NACC2: variants seen among roughly 807,000 people sequenced by gnomAD.
The protein encoded by NACC2 is nucleus accumbens-associated protein 2.
Under a neutral mutation model 25.1 loss-of-function variants are expected in NACC2, and 8 were observed. That is an observed-to-expected ratio of 0.32 (90% CI 0.19 to 0.57). The LOEUF is 0.57. NACC2 is among the 20% of genes least tolerant of loss of function. NACC2 has a pLI of 0.89. For synonymous variants in NACC2, 435 were observed against 294.7 expected (o/e 1.48, Z -4.88); for missense variants, 644 against 650.2 (o/e 0.99, Z 0.10).
chr9:136,036,854 A>G (rs1386456717), intron 2 of NACC2, among the ~76,000 whole-genome samples: 3 of 152,244 alleles, frequency 2.0e-5, no homozygotes, highest in South Asian at 2.1e-4. Context: ...AAAATCCCAA[A>G]TTTGATTTTT....
chr9:136,024,486 G>GAA lies in NACC2; in HGVS notation c.887-8058_887-8057insTT, dbSNP rs1491240009. Among the ~76,000 whole-genome samples the GAA allele has an allele frequency of 2.2e-4, 27 of 125,480 alleles. No individual in the cohort carries two copies. In the East Asian group the frequency reaches 4.0e-3, roughly 19 times the overall value. The allele number at this position is 125,480 out of a possible 152,430, so 82.3% of individuals were successfully genotyped here. ...AGGACAGAGGGTGCGTGTGAGGACA[G>GAA]TGTGTGTGAGGACAGAATGTGTGTG... On this transcript the variant is annotated intron_variant, in intron 2 of 5. Coordinates refer to ENST00000277554, the MANE Select transcript of NACC2 (RefSeq NM_144653.5).
chr9:136,077,958 G>A (rs1169393075), intron 1 of NACC2, among the ~76,000 whole-genome samples: 1 of 152,120 alleles, frequency 6.6e-6, no homozygotes, highest in African/African-American at 2.4e-5. Context: ...CTTTTTAGTA[G>A]AGACGGGGTT....
At chr9:136,048,651 G>A (rs1840765552) in intron 2 of NACC2, among the ~76,000 whole-genome samples, 1 of 152,252 alleles carries the variant, frequency 6.6e-6, no homozygotes, top group South Asian at 2.1e-4. Flanking sequence ...AGGCGGAGAG[G>A]GAGCCAGGTT....
At chr9:136,014,968 C>T (rs1169740413) in intron 3 of NACC2, among the ~76,000 whole-genome samples, 2 of 131,310 alleles carry the variant, frequency 1.5e-5, no homozygotes, top group Non-Finnish European at 3.2e-5. Flanking sequence ...TCTCAATGAC[C>T]ATGAGATGTC....
At position 136,013,926 on chromosome 9, in the gene NACC2, G is replaced by C; in HGVS notation, c.1095C>G (p.His365Gln). The change falls in exon 4 of 6, where the codon CAC (histidine) becomes CAG (glutamine). Residue 365 changes from histidine to glutamine, a missense_variant. His to Gln is a conservative substitution (Grantham distance 24). Coordinates refer to ENST00000277554, the MANE Select transcript of NACC2 (RefSeq NM_144653.5). This position sits in a 1 kb window ranked among gnomAD's most constrained non-coding sequence, Gnocchi z 6.6. ...CCTTATGCTTCACCCCTGCACACAG[G>C]TGGCAGTTCATCAGCTGGCCGCGTG... ...YITRGQLMNC[H>Q]LCAGVKHKVL... 6.2e-7 allele frequency: 1 copy of C among 1,612,858 alleles called. No homozygotes were observed. Among genetic ancestry groups the C allele is most frequent in the Non-Finnish European group, 8.5e-7 (1 of 1,179,964 alleles).
chr9:136,013,852 G>C lies in NACC2; in HGVS notation c.1157+12C>G. 1 of 1,610,308 alleles carries C rather than the reference G, an allele frequency of 6.2e-7. No homozygotes were observed. Among genetic ancestry groups the C allele is most frequent in the Non-Finnish European group, 8.5e-7 (1 of 1,178,230 alleles). On this transcript the variant is annotated intron_variant, in intron 4 of 5. Transcript: ENST00000277554. The surrounding 1 kb of genome is among the most constrained non-coding windows in gnomAD (Gnocchi z 6.6). Reference sequence around the variant, plus strand: ...CTCCATTGTGCCCTCCAGCACTCCTGCCCCGACCTACCTGTCAAAGAAGGT... The same window carrying C: ...CTCCATTGTGCCCTCCAGCACTCCTCCCCCGACCTACCTGTCAAAGAAGGT...
In NACC2 at chr9:136,084,650, G is replaced by T. The variant is rs114799500; in HGVS notation, c.-60+10539C>A. 0.014 allele frequency among the ~76,000 whole-genome samples: 2,130 copies of T among 152,334 alleles called. 40 individuals carry two copies. The highest frequency in any genetic ancestry group is 0.048 in the African/African-American group (2,006 of 41,564). Reference sequence around the variant, plus strand: ...CAGACGCGCACGCCACGTCCATAGCGGCAGCACCAGACAGCCAAGAGGCAA... The same window carrying T: ...CAGACGCGCACGCCACGTCCATAGCTGCAGCACCAGACAGCCAAGAGGCAA... On this transcript the variant is annotated intron_variant, in intron 1 of 5. Coordinates refer to ENST00000277554, the MANE Select transcript of NACC2 (RefSeq NM_144653.5). The surrounding 1 kb of genome is among the most constrained non-coding windows in gnomAD (Gnocchi z 5.1).
intron 2 of NACC2, among the ~76,000 whole-genome samples, chr9:136,043,086 A>C (rs1355900136): frequency 6.6e-6 from 1 of 152,232 alleles, no homozygotes; most frequent in African/African-American, 2.4e-5. Context: ...TTTCTCGAAC[A>C]GGCTACAAAA....
chr9:136,024,225 CAG>C (rs1840344343), intron 2 of NACC2, among the ~76,000 whole-genome samples: 1 of 9,698 alleles, frequency 1.0e-4, no homozygotes, highest in Non-Finnish European at 2.1e-4. Flanking sequence ...TGTGTGAGGA[CAG>C]AGGGTGTGTG....
chr9:136,052,680 G>C (rs1840863879), intron 1 of NACC2, among the ~76,000 whole-genome samples: 1 of 152,196 alleles, frequency 6.6e-6, no homozygotes, highest in Non-Finnish European at 1.5e-5. Flanking sequence ...GAGCGACTTT[G>C]TGGCCGGGCA....
rs186408997 is a variant in NACC2, at chr9:136,068,468, C to T, written c.-59-17888G>A. ...GAGCCGAGATCACACCATTGCACTC[C>T]GGCCTGGGCAACAAGAGTGAAACTC... On this transcript the variant is annotated intron_variant, in intron 1 of 5. Coordinates refer to ENST00000277554, the MANE Select transcript of NACC2 (RefSeq NM_144653.5). 1.3e-3 allele frequency among the ~76,000 whole-genome samples: 187 copies of T among 140,858 alleles called. 6 individuals carry two copies. Among genetic ancestry groups the T allele is most frequent in the African/African-American group, 4.7e-3 (174 of 36,986 alleles). 92.4% of individuals were successfully genotyped at this position (140,858 alleles called of 152,430 possible).
At chr9:136,092,318 C>T (rs1830441619) in intron 1 of NACC2, among the ~76,000 whole-genome samples, 1 of 151,364 alleles carries the variant, frequency 6.6e-6, no homozygotes, top group Non-Finnish European at 1.5e-5. Context: ...GTGAGAGGCC[C>T]CAGTGAGCCA....
rs1801775267 is a variant in NACC2, at chr9:136,007,535, GCACACACAGACACGCACA to G, written c.*3963_*3980del. On this transcript the variant is annotated 3_prime_UTR_variant, in exon 6 of 6. Coordinates refer to ENST00000277554, the MANE Select transcript of NACC2 (RefSeq NM_144653.5). Reference sequence around the variant, plus strand: ...CGCGCACACACAGACGCACAGACGTGCACACACAGACACGCACACACACACAGACACGCGCACACGCAC... The same window carrying G: ...CGCGCACACACAGACGCACAGACGTGCACACACAGACACGCGCACACGCAC... 6.7e-6 allele frequency: 1 copy of G among 148,394 alleles called. No homozygotes were observed. Among genetic ancestry groups the G allele is most frequent in the African/African-American group, 2.5e-5 (1 of 40,438 alleles). The allele number at this position is 148,394 out of a possible 1,614,324, so 9.2% of individuals were successfully genotyped here. A position where few individuals can be genotyped will look rare whatever the true frequency, so the allele number is the denominator to read the frequency against.
intron 1 of NACC2, among the ~76,000 whole-genome samples, chr9:136,085,919 G>C (rs2131189366): frequency 6.6e-6 from 1 of 152,304 alleles, no homozygotes; most frequent in African/African-American, 2.4e-5. Flanking sequence ...CAGCTCCAAT[G>C]GGAGGGGCTG....
At position 136,070,485 on chromosome 9, in the gene NACC2, C is replaced by T. The variant is rs185060994; in HGVS notation, c.-59-19905G>A. Among the ~76,000 whole-genome samples the T allele has an allele frequency of 9.0e-3, 1,359 of 151,678 alleles. 18 individuals carry two copies. Among genetic ancestry groups the T allele is most frequent in the Middle Eastern group, 0.027 (8 of 294 alleles). ...TCGCGCCACTGCACTCCAGCCTGGG[C>T]GACAGAGCGAGACTCGTCTCAAAAA... On this transcript the variant is annotated intron_variant, in intron 1 of 5. Transcript: ENST00000277554.
intron 2 of NACC2, among the ~76,000 whole-genome samples, chr9:136,048,516 C>G (rs1840761975): frequency 6.6e-6 from 1 of 152,264 alleles, no homozygotes; most frequent in Admixed American, 6.5e-5. Flanking sequence ...TCGAGGTGGC[C>G]TGTGAGCTGG....
At chr9:136,061,711 G>A (rs970673215) in intron 1 of NACC2, among the ~76,000 whole-genome samples, 4 of 152,166 alleles carry the variant, frequency 2.6e-5, no homozygotes, top group African/African-American at 9.7e-5. Flanking sequence ...AGGTCTAGCA[G>A]GCTCAGGAAC....
At chr9:136,070,787 C>T (rs1841141943) in intron 1 of NACC2, among the ~76,000 whole-genome samples, 1 of 150,978 alleles carries the variant, frequency 6.6e-6, no homozygotes, top group South Asian at 2.1e-4. Flanking sequence ...ATCAATGAAA[C>T]AGCTGGGTTT....
chr9:136,016,262 C>T lies in NACC2; in HGVS notation c.1051+3G>A. 1.9e-6 allele frequency: 3 copies of T among 1,612,434 alleles called. No individual in the cohort carries two copies. Among genetic ancestry groups the T allele is most frequent in the South Asian group, 2.2e-5 (2 of 91,060 alleles). On this transcript the variant is annotated splice_donor_region_variant and intron_variant, in intron 3 of 5. Coordinates refer to ENST00000277554, the MANE Select transcript of NACC2 (RefSeq NM_144653.5). ...ACAATAGATGGGTGGGAGGCAGCCT[C>T]ACCTGCCACCAGCTCCAGCTTCTCC...
Sources: gnomAD v4.1 joint callset for allele counts (sites outside exome capture counted in the v4.1 genomes callset) on GRCh38, gnomAD v4.1.1 for gene constraint, Gnocchi (gnomAD v3.1) non-coding constraint, MANE v1.5 for transcripts, NCBI Gene and HGNC (gene_info 2026-07-23, HGNC 2026-07-21) for gene names.